BSN: variants seen among roughly 807,000 people sequenced by gnomAD.
The protein encoded by BSN is bassoon presynaptic cytomatrix protein.
In BSN, 57 loss-of-function variants were observed where a neutral mutation model predicts 264.8. The observed-to-expected ratio is 0.22, with a 90% CI of 0.17 to 0.27. The LOEUF is 0.27. BSN is among the 10% of genes least tolerant of loss of function. The probability of loss-of-function intolerance (pLI) is 1.00; values close to 1 mark genes in which losing one functional copy is unlikely to be tolerated. For missense variants in BSN, 4,615 were observed against 5,232.5 expected, an observed-to-expected ratio of 0.88 and a Z score of 3.64; for synonymous variants, 2,059 against 2,137.3, an observed-to-expected ratio of 0.96 and a Z score of 1.01.
chr3:49,635,499 A>G (rs555919045), intron 2 of BSN, among the ~76,000 whole-genome samples: 11 of 152,120 alleles, frequency 7.2e-5, no homozygotes, highest in Non-Finnish European at 7.4e-5. Context: ...CCCAACCTCA[A>G]GTTATGAATA....
rs761547616 is a variant in BSN, at chr3:49,664,497, G to A, written c.11683G>A (p.Val3895Met). The A allele has an allele frequency of 4.1e-5, 66 of 1,612,846 alleles. No individual in the cohort carries two copies. Among genetic ancestry groups the A allele is most frequent in the South Asian group, 1.3e-4 (12 of 91,006 alleles). The stretch of plus-strand genomic sequence containing the variant: ...CCAGCCAGGTGCCGATGGGGAGAGC[G>A]TGTTCTCCAAGATCCTCCCTGGCGG... ...AGQPGADGES[V>M]FSKILPGGAA... Residue 3895 changes from valine to methionine, a missense_variant, in exon 9 of 12, where the codon GTG (valine) becomes ATG (methionine). Val to Met is a conservative substitution (Grantham distance 21). Coordinates refer to ENST00000296452, the MANE Select transcript of BSN (RefSeq NM_003458.4).
chr3:49,639,589 A>T lies in BSN; in HGVS notation c.634-2679A>T, dbSNP rs548261449. Among the ~76,000 whole-genome samples the T allele has an allele frequency of 2.6e-5, 4 of 152,280 alleles. No individual in the cohort carries two copies. The East Asian group carries it at 7.7e-4, about 29-fold the overall frequency. ...TCACTGCCTCGGCATCACTGTTCTT[A>T]GAGTTTCTAGAACTGGGATTGGCCT... On this transcript the variant is annotated intron_variant, in intron 2 of 11. Transcript: ENST00000296452.
Position 49,653,728 on chromosome 3 carries a change from C to G in BSN, c.4172C>G (p.Ala1391Gly). 1 of 1,613,958 alleles carries G rather than the reference C, an allele frequency of 6.2e-7. No homozygotes were observed. The highest frequency in any genetic ancestry group is 8.5e-7 in the Non-Finnish European group (1 of 1,179,944). Reference sequence around the variant, plus strand: ...ACCACAGCTGTGGCTCCTTGTCCAGCTGGGCTGCCACGAGGATATATGACT... The same window carrying G: ...ACCACAGCTGTGGCTCCTTGTCCAGGTGGGCTGCCACGAGGATATATGACT... ...PATTAVAPCP[A>G]GLPRGYMTPA... is the part of the protein sequence containing the mutation. The change falls in exon 5 of 12, where the codon GCT (alanine) becomes GGT (glycine). Residue 1391 changes from alanine to glycine, a missense_variant. Ala to Gly is a moderately conservative substitution (Grantham distance 60, BLOSUM62 0). Around this residue, in one of 3 missense-constraint regions of BSN, gnomAD observed 3,415 missense variants for 3,866.4 expected, o/e 0.88. Transcript: ENST00000296452. The surrounding 1 kb of genome is among the most constrained non-coding windows in gnomAD (Gnocchi z 6.3).
Position 49,625,257 on chromosome 3 carries a change from G to C in BSN, c.507G>C (p.Leu169=). ...PQIAPLPSST[L]CPICKTSDLT... The stretch of plus-strand genomic sequence containing the variant: ...TCGCCCCCCTTCCCAGCAGCACGCT[G>C]TGTCCCATATGCAAGACTTCGGACC... The change falls in exon 2 of 12, where the codon CTG becomes CTC. Residue 169 remains leucine, a synonymous_variant. Transcript: ENST00000296452. This position sits in a 1 kb window ranked among gnomAD's most constrained non-coding sequence, Gnocchi z 4.4. The C allele has an allele frequency of 6.2e-7, 1 of 1,603,200 alleles. No individual in the cohort carries two copies. The highest frequency in any genetic ancestry group is 8.5e-7 in the Non-Finnish European group (1 of 1,174,798).
intron 3 of BSN, among the ~76,000 whole-genome samples, chr3:49,649,306 G>A (rs545530751): frequency 2.6e-5 from 4 of 152,330 alleles, no homozygotes; most frequent in African/African-American, 7.2e-5. Context: ...GGTCCACCTC[G>A]GTGGCAGAGT....
In BSN at chr3:49,662,505, A is replaced by G; in HGVS notation, c.10660A>G (p.Lys3554Glu). 3.1e-6 allele frequency: 5 copies of G among 1,612,156 alleles called. No homozygotes were observed. The highest frequency in any genetic ancestry group is 4.2e-6 in the Non-Finnish European group (5 of 1,179,434). ...VKDGPRAHAY[K>E]REEGYILDDS... ...GGACGGACCTCGGGCCCACGCATAT[A>G]AGCGTGAGGAGGGCTACATCCTGGA... Residue 3554 changes from lysine (K) to glutamate (E), a missense_variant, in exon 6 of 12, where the codon AAG becomes GAG. Physicochemically the swap from Lys to Glu is moderately conservative, Grantham distance 56. This residue lies in a region of BSN where 3,415 missense variants were observed against 3,866.4 expected (regional missense o/e 0.88). Coordinates refer to ENST00000296452, the MANE Select transcript of BSN (RefSeq NM_003458.4).
intron 8 of BSN, 55 bp from the exon 9 acceptor site, chr3:49,664,368 G>A: frequency 6.2e-7 from 1 of 1,612,364 alleles, no homozygotes; most frequent in Non-Finnish European, 8.5e-7. Flanking sequence ...TGCCCTCTTA[G>A]ACCCTAAAGA....
In BSN at chr3:49,652,546, CCT is replaced by C; in HGVS notation, c.2995_2996del (p.Leu999ValfsTer8). On this transcript the variant is annotated frameshift_variant, in exon 5 of 12. Transcript: ENST00000296452. LOFTEE classifies it high-confidence loss of function. Reference sequence around the variant, plus strand: ...AGCTACACCTCGGGCACCTCTCCCACCTCTCTGTCCTCCCTAGAGGAGGACAG... The same window carrying C: ...AGCTACACCTCGGGCACCTCTCCCACCTCTGTCCTCCCTAGAGGAGGACAG... 6.2e-7 allele frequency: 1 copy of C among 1,613,652 alleles called. No individual in the cohort carries two copies. Among genetic ancestry groups the C allele is most frequent in the Non-Finnish European group, 8.5e-7 (1 of 1,179,982 alleles).
At position 49,664,540 on chromosome 3, in the gene BSN, G is replaced by A. The variant is rs1160984570; in HGVS notation, c.11726G>A (p.Gly3909Asp). The A allele has an allele frequency of 6.2e-7, 1 of 1,606,408 alleles. No homozygotes were observed. Among genetic ancestry groups the A allele is most frequent in the Non-Finnish European group, 8.5e-7 (1 of 1,176,640 alleles). Residue 3909 changes from glycine to aspartate, a missense_variant, in exon 9 of 12, where the codon GGC becomes GAC. This residue lies in a region of BSN where 3,415 missense variants were observed against 3,866.4 expected (regional missense o/e 0.88). Coordinates refer to ENST00000296452, the MANE Select transcript of BSN (RefSeq NM_003458.4). ...ILPGGAAEQAGKLTEAVSAFG... is the reference protein window; with the variant it reads ...ILPGGAAEQADKLTEAVSAFG... Reference sequence around the variant, plus strand: ...CCTGGCGGGGCAGCCGAGCAAGCTGGCAAACTGACGGAAGGTATGCACTGC... The same window carrying A: ...CCTGGCGGGGCAGCCGAGCAAGCTGACAAACTGACGGAAGGTATGCACTGC...
At chr3:49,613,309 A>AGAGAGAGAGAGAGAGAGG (rs2052224730) in intron 1 of BSN, among the ~76,000 whole-genome samples, 1 of 128,566 alleles carries the variant, frequency 7.8e-6, no homozygotes, top group Non-Finnish European at 1.7e-5. Context: ...AGAGCGAGAG[A>AGAGAGAGAGAGAGAGAGG]GAGAGAGAGA....
chr3:49,573,788 G>A (rs2051817694), intron 1 of BSN, among the ~76,000 whole-genome samples: 1 of 151,768 alleles, frequency 6.6e-6, no homozygotes, highest in Non-Finnish European at 1.5e-5. Context: ...CTCCTGAGTA[G>A]CTGGGATTAC....
At chr3:49,605,872 T>TATAGATATAAATATATTTATATCTA (rs1559603164) in intron 1 of BSN, among the ~76,000 whole-genome samples, 120 of 48,140 alleles carry the variant, frequency 2.5e-3, no homozygotes, top group Non-Finnish European at 4.2e-3. Context: ...TTATATCTAT[T>TATAGATATAAATATATTTATATCTA]TATATATAGA....
chr3:49,613,385 C>T (rs920824664), intron 1 of BSN, among the ~76,000 whole-genome samples: 30 of 129,302 alleles, frequency 2.3e-4, no homozygotes, highest in African/African-American at 4.7e-4. Flanking sequence ...TAATAATCAA[C>T]GACAGAAAAC....
intron 1 of BSN, among the ~76,000 whole-genome samples, chr3:49,561,847 G>A (rs546332996): frequency 1.5e-4 from 23 of 151,650 alleles, no homozygotes; most frequent in Admixed American, 7.9e-4. Flanking sequence ...TCACTCTGTC[G>A]CCCAGGCTGG....
At position 49,656,307 on chromosome 3, in the gene BSN, G is replaced by C. The variant is rs2052599133; in HGVS notation, c.6751G>C (p.Val2251Leu). The C allele has an allele frequency of 2.5e-6, 4 of 1,613,108 alleles. No individual in the cohort carries two copies. Among genetic ancestry groups the C allele is most frequent in the Non-Finnish European group, 3.4e-6 (4 of 1,179,910 alleles). The change falls in exon 5 of 12, where the codon GTA becomes CTA. Residue 2251 changes from valine (V) to leucine (L), a missense_variant. Val to Leu is a conservative substitution (Grantham distance 32, BLOSUM62 1). Transcript: ENST00000296452. ...LTRVPMIAPR[V>L]PLGPTGLYRY... ...ACGTGTGCCCATGATTGCCCCCCGG[G>C]TACCTCTTGGACCCACAGGGCTGTA...
chr3:49,653,962 C>T lies in BSN; in HGVS notation c.4406C>T (p.Ala1469Val). ...GGTGGCACTCCTCAGCCTTCCCGGGCATATTCCTACTTTGCAAGCTCCAGC... is the reference window on the plus strand; with the variant it reads ...GGTGGCACTCCTCAGCCTTCCCGGGTATATTCCTACTTTGCAAGCTCCAGC... ...GEGGTPQPSR[A>V]YSYFASSSPP... The change falls in exon 5 of 12, where the codon GCA becomes GTA. Residue 1469 changes from alanine to valine, a missense_variant. Ala to Val is a moderately conservative substitution (Grantham distance 64). Transcript: ENST00000296452. This position sits in a 1 kb window ranked among gnomAD's most constrained non-coding sequence, Gnocchi z 6.3. 1 of 1,614,096 alleles carries T rather than the reference C, an allele frequency of 6.2e-7. No individual in the cohort carries two copies. Among genetic ancestry groups the T allele is most frequent in the Non-Finnish European group, 8.5e-7 (1 of 1,180,016 alleles).
At chr3:49,602,496 A>T (rs1187544284) in intron 1 of BSN, among the ~76,000 whole-genome samples, 1 of 146,002 alleles carries the variant, frequency 6.8e-6, no homozygotes, top group Non-Finnish European at 1.5e-5. Context: ...CCCAGGCTGG[A>T]GTGCAATGAC....
intron 2 of BSN, among the ~76,000 whole-genome samples, chr3:49,641,978 C>T (rs142154694): frequency 5.4e-4 from 65 of 121,298 alleles, no homozygotes; most frequent in Non-Finnish European, 8.1e-4. Context: ...CAGGGGGTGG[C>T]GGGGAGGACT....
rs770141757 is a variant in BSN at position 49,662,003 on chromosome 3, G to A, written c.10158G>A (p.Ala3386=). 1.2e-5 allele frequency: 20 copies of A among 1,613,748 alleles called. No homozygotes were observed. The highest frequency in any genetic ancestry group is 2.2e-5 in the East Asian group (1 of 44,896). The change falls in exon 6 of 12, where the codon GCG becomes GCA. Residue 3386 remains alanine (A), a synonymous_variant. Coordinates refer to ENST00000296452, the MANE Select transcript of BSN (RefSeq NM_003458.4). The stretch of plus-strand genomic sequence containing the variant: ...CCAAAGACGTAGAGTCAGACCTGGC[G>A]TCCTACCCCCCACCTGCAGTCAGCA... The part of the protein sequence containing the change: ...EEAKDVESDL[A]SYPPPAVSSS...
Sources: gnomAD v4.1 joint callset for allele counts (sites outside exome capture counted in the v4.1 genomes callset) on GRCh38, gnomAD v4.1.1 for gene constraint, gnomAD v4.1.1 regional missense constraint, Gnocchi (gnomAD v3.1) non-coding constraint, MANE v1.5 for transcripts, NCBI Gene and HGNC (gene_info 2026-07-23, HGNC 2026-07-21) for gene names.